Variants in COP1 observed in about 807,000 individuals in gnomAD.
COP1 encodes COP1 E3 ubiquitin ligase, also known as E3 ubiquitin-protein ligase COP1.
In COP1, 24 loss-of-function variants were observed where a neutral mutation model predicts 101.3. The observed-to-expected ratio is 0.24, with a 90% CI of 0.17 to 0.33. COP1 has a LOEUF of 0.33. COP1 is among the 10% of genes least tolerant of loss of function. The pLI is 1.00. For synonymous variants in COP1, 347 were observed against 341.9 expected (o/e 1.01, Z -0.17); for missense variants, 663 against 906.2 (o/e 0.73, Z 3.45).
chr1:176,113,244 C>G (rs910545572), intron 9 of COP1, among the ~76,000 whole-genome samples: 1 of 152,212 alleles, frequency 6.6e-6, no homozygotes, highest in Non-Finnish European at 1.5e-5. Flanking sequence ...ACCATTCTAA[C>G]TATGGTGAGA....
At chr1:176,008,043 G>T (rs146235890) in intron 15 of COP1, among the ~76,000 whole-genome samples, 2,242 of 152,260 alleles carry the variant, frequency 0.015, 60 homozygotes, top group African/African-American at 0.051. Flanking sequence ...ATATAATCTC[G>T]TGGTGCGCCG....
chr1:176,156,261 T>A (rs1400460682), intron 5 of COP1, among the ~76,000 whole-genome samples: 1 of 152,000 alleles, frequency 6.6e-6, no homozygotes, highest in East Asian at 1.9e-4. Flanking sequence ...AGGCCTTTTG[T>A]GGTATTTAGA....
At chr1:176,089,236 T>G (rs1449841734) in intron 9 of COP1, among the ~76,000 whole-genome samples, 2 of 151,978 alleles carry the variant, frequency 1.3e-5, no homozygotes, top group Admixed American at 1.3e-4. Context: ...GGGGCTGCAC[T>G]GAGCCAAGAT....
intron 5 of COP1, among the ~76,000 whole-genome samples, chr1:176,153,118 A>T (rs956799165): frequency 3.3e-5 from 5 of 152,098 alleles, no homozygotes; most frequent in African/African-American, 1.2e-4. Flanking sequence ...ATGTCTGCTC[A>T]CAGGACATCA....
chr1:176,080,090 A>C (rs1678832044), intron 11 of COP1, among the ~76,000 whole-genome samples: 1 of 152,240 alleles, frequency 6.6e-6, no homozygotes, highest in South Asian at 2.1e-4. Flanking sequence ...GAGAAAAATC[A>C]AAATGGAAAT....
intron 15 of COP1, among the ~76,000 whole-genome samples, chr1:176,015,241 T>C (rs1399041871): frequency 2.0e-5 from 3 of 152,216 alleles, no homozygotes; most frequent in Non-Finnish European, 4.4e-5. Flanking sequence ...TCTGAAAGAA[T>C]ATTATCCCTG....
intron 6 of COP1, among the ~76,000 whole-genome samples, chr1:176,139,473 A>G (rs1690335825): frequency 6.6e-6 from 1 of 152,138 alleles, no homozygotes; most frequent in South Asian, 2.1e-4. Context: ...GTATATATCC[A>G]AAAGAAAATA....
chr1:176,148,453 G>T (rs1691920402), intron 6 of COP1, among the ~76,000 whole-genome samples: 1 of 151,054 alleles, frequency 6.6e-6, no homozygotes, highest in African/African-American at 2.4e-5. Context: ...ACAGGATTTT[G>T]ACTATTTAAT....
intron 1 of COP1, among the ~76,000 whole-genome samples, chr1:176,203,560 T>C (rs1398388970): frequency 6.6e-6 from 1 of 152,168 alleles, no homozygotes; most frequent in Non-Finnish European, 1.5e-5. Flanking sequence ...CACAGTCTAG[T>C]TAAATGAACC....
At chr1:176,077,903 T>C (rs377681067) in intron 11 of COP1, among the ~76,000 whole-genome samples, 400 of 38,636 alleles carry the variant, frequency 0.01, 3 homozygotes, top group African/African-American at 0.021. Flanking sequence ...TTATTTACAA[T>C]AGCCACAAAG....
intron 6 of COP1, 61 bp downstream of exon 6, chr1:176,148,945 A>G: frequency 9.0e-7 from 1 of 1,108,436 alleles, no homozygotes; most frequent in South Asian, 1.7e-5. Flanking sequence ...ATGCTTTTAC[A>G]AAATGGGAAC....
At chr1:175,971,474 A>G (rs769435684) in intron 18 of COP1, among the ~76,000 whole-genome samples, 8 of 152,192 alleles carry the variant, frequency 5.3e-5, no homozygotes, top group Non-Finnish European at 1.0e-4. Context: ...AGTTTGTTGA[A>G]AATGGAGGTT....
At chr1:176,112,275 T>C (rs1203821582) in intron 9 of COP1, among the ~76,000 whole-genome samples, 3 of 152,032 alleles carry the variant, frequency 2.0e-5, no homozygotes, top group Non-Finnish European at 4.4e-5. Context: ...ATTCAAGTTT[T>C]TTTTTTAAAT....
intron 18 of COP1, among the ~76,000 whole-genome samples, chr1:175,954,987 A>T (rs1650431052): frequency 6.6e-6 from 1 of 152,166 alleles, no homozygotes; most frequent in South Asian, 2.1e-4. Context: ...AGGGTGGCTC[A>T]TGCCTGTGAT....
chr1:176,184,615 T>C lies in COP1; in HGVS notation c.467+18A>G, dbSNP rs750407369. On this transcript the variant is annotated intron_variant, in intron 2 of 19. Coordinates refer to ENST00000367669, the MANE Select transcript of COP1 (RefSeq NM_022457.7). ...TTAAAATGTTAAAAGATTATTTTAC[T>C]CAATAGAATTGTCTTACCAAAAGCT... 15 of 1,568,482 alleles carry C rather than the reference T, an allele frequency of 9.6e-6. No homozygotes were observed. The highest frequency in any genetic ancestry group is 1.3e-5 in the Non-Finnish European group (15 of 1,147,938).
intron 7 of COP1, 103 bp from the exon 8 acceptor site, chr1:176,135,189 G>T (rs919850416): frequency 7.6e-6 from 5 of 659,808 alleles, no homozygotes; most frequent in Non-Finnish European, 1.2e-5. Flanking sequence ...GTTTTCATCA[G>T]TCCCTGTTTG....
intron 18 of COP1, among the ~76,000 whole-genome samples, chr1:175,984,305 G>A (rs180910265): frequency 1.8e-4 from 27 of 152,350 alleles, no homozygotes; most frequent in African/African-American, 6.5e-4. Context: ...GGGGCCAACA[G>A]AGAACTCGAG....
At chr1:176,014,209 G>A (rs1665211075) in intron 15 of COP1, among the ~76,000 whole-genome samples, 1 of 152,200 alleles carries the variant, frequency 6.6e-6, no homozygotes, top group Admixed American at 6.5e-5. Flanking sequence ...CAAGTGGGAA[G>A]CTGCGCTTAC....
intron 7 of COP1, 85 bp from the exon 8 acceptor site, chr1:176,135,171 A>G (rs539440082): frequency 1.1e-6 from 1 of 887,858 alleles, no homozygotes; most frequent in East Asian, 2.7e-5. Flanking sequence ...ATTCCTTTCT[A>G]TTCCCAGGTT....
Sources: gnomAD v4.1 joint callset for allele counts (sites outside exome capture counted in the v4.1 genomes callset) on GRCh38, gnomAD v4.1.1 for gene constraint, MANE v1.5 for transcripts, NCBI Gene and HGNC (gene_info 2026-07-23, HGNC 2026-07-21) for gene names.